Variants in PLCE1 observed in about 807,000 individuals in gnomAD.
The protein encoded by PLCE1 is phospholipase C epsilon 1, also known as 1-phosphatidylinositol 4,5-bisphosphate phosphodiesterase epsilon-1.
In PLCE1, 119 loss-of-function variants were observed where a neutral mutation model predicts 242.8. The observed-to-expected ratio is 0.49, with a 90% CI of 0.42 to 0.57. The LOEUF (loss-of-function observed/expected upper bound fraction) is 0.57, where lower values mean the gene tolerates loss of function less well. Ranked by LOEUF, PLCE1 falls within the 20% of genes least tolerant of loss-of-function variation. PLCE1 has a pLI of 0.00. For missense variants in PLCE1, 2,441 were observed against 2,788.8 expected (o/e 0.88, Z 2.81); for synonymous variants, 945 against 1,017.4 (o/e 0.93, Z 1.35).
intron 2 of PLCE1, chr10:94,082,343 A>C (rs995174774): frequency 9.9e-5 from 15 of 152,218 alleles, no homozygotes; most frequent in Non-Finnish European, 1.9e-4. Context: ...TAGCAACTGA[A>C]GCAAAGAAAA....
At chr10:94,021,993 C>A (rs1378793969) in intron 1 of PLCE1, among the ~76,000 whole-genome samples, 1 of 151,758 alleles carries the variant, frequency 6.6e-6, no homozygotes, top group East Asian at 1.9e-4. Flanking sequence ...TGAATGAGGA[C>A]AAAGTAAAGA....
chr10:94,076,780 G>C (rs2044515573), intron 2 of PLCE1, among the ~76,000 whole-genome samples: 1 of 149,488 alleles, frequency 6.7e-6, no homozygotes, highest in South Asian at 2.1e-4. Context: ...TGTCCCATGA[G>C]CTCTGCTGGA....
intron 1 of PLCE1, among the ~76,000 whole-genome samples, chr10:94,009,275 C>T (rs1168283243): frequency 6.6e-6 from 1 of 152,020 alleles, no homozygotes; most frequent in Non-Finnish European, 1.5e-5. Context: ...CTTAAACAAC[C>T]AGATCTCATG....
intron 3 of PLCE1, among the ~76,000 whole-genome samples, chr10:94,169,457 C>T (rs916368953): frequency 2.0e-4 from 31 of 152,170 alleles, no homozygotes; most frequent in Non-Finnish European, 2.4e-4. Flanking sequence ...GATTTAATCA[C>T]AAACCTGGGT....
chr10:94,065,273 A>C (rs1028770827), intron 2 of PLCE1, among the ~76,000 whole-genome samples: 1 of 152,150 alleles, frequency 6.6e-6, no homozygotes, highest in Non-Finnish European at 1.5e-5. Context: ...CTTGGATTGC[A>C]CTGGATTGGT....
rs117911832 is a variant in PLCE1 at position 94,289,548 on chromosome 10, T to C, written c.5036-3960T>C. Among the ~76,000 whole-genome samples the C allele has an allele frequency of 7.9e-3, 1,200 of 152,298 alleles. 56 individuals carry two copies. Among genetic ancestry groups the C allele is most frequent in the Admixed American group, 0.063 (959 of 15,292 alleles). On this transcript the variant is annotated intron_variant, in intron 22 of 32. Transcript: ENST00000371380. Reference sequence around the variant, plus strand: ...TAGCCTGCTACACACCTAGGCTAGATGGTGTAGCCTGTTGCTCCTAAGCTA... The same window carrying C: ...TAGCCTGCTACACACCTAGGCTAGACGGTGTAGCCTGTTGCTCCTAAGCTA...
At chr10:94,091,147 T>C (rs892076515) in intron 2 of PLCE1, among the ~76,000 whole-genome samples, 16 of 152,214 alleles carry the variant, frequency 1.1e-4, no homozygotes, top group African/African-American at 3.9e-4. Flanking sequence ...AGGTAAACAA[T>C]TGAGGAACAA....
intron 4 of PLCE1, among the ~76,000 whole-genome samples, chr10:94,203,681 A>G (rs2049051014): frequency 1.3e-5 from 2 of 152,236 alleles, no homozygotes; most frequent in Non-Finnish European, 2.9e-5. Context: ...CTACATAAGC[A>G]GAAATAAAAA....
chr10:94,081,165 T>C (rs1002448226), intron 2 of PLCE1, among the ~76,000 whole-genome samples: 3 of 152,232 alleles, frequency 2.0e-5, no homozygotes, highest in Non-Finnish European at 2.9e-5. Context: ...CATGTTTATA[T>C]CTTTTTCCAT....
At chr10:94,090,074 G>T (rs1207980803) in intron 2 of PLCE1, among the ~76,000 whole-genome samples, 3 of 151,982 alleles carry the variant, frequency 2.0e-5, no homozygotes, top group Non-Finnish European at 2.9e-5. Flanking sequence ...ACATTAAAAG[G>T]ATATTAGACC....
chr10:94,163,513 A>C lies in PLCE1; in HGVS notation c.1493-7667A>C, dbSNP rs562819010. On this transcript the variant is annotated intron_variant, in intron 3 of 32. Coordinates refer to ENST00000371380, the MANE Select transcript of PLCE1 (RefSeq NM_016341.4). ...TTTTTGTTTTCCATTTGCTTGGTAGATCTTCCTCCATCCCTTTATTTTGAG... is the reference window on the plus strand; with the variant it reads ...TTTTTGTTTTCCATTTGCTTGGTAGCTCTTCCTCCATCCCTTTATTTTGAG... Among the ~76,000 whole-genome samples the C allele has an allele frequency of 2.6e-5, 4 of 152,006 alleles. No individual in the cohort carries two copies. In the East Asian group the frequency reaches 7.7e-4, roughly 29 times the overall value.
At chr10:94,000,789 A>G (rs930460464) in intron 1 of PLCE1, among the ~76,000 whole-genome samples, 1 of 152,144 alleles carries the variant, frequency 6.6e-6, no homozygotes, top group Non-Finnish European at 1.5e-5. Context: ...GCTGCCTCTC[A>G]TGGGTGCAGC....
chr10:94,133,560 G>A (rs73314211), intron 3 of PLCE1, among the ~76,000 whole-genome samples: 4,447 of 152,234 alleles, frequency 0.029, 216 homozygotes, highest in African/African-American at 0.099. Context: ...AGGCCAGCAG[G>A]CCAATGACCT....
At chr10:94,136,701 T>C (rs972373070) in intron 3 of PLCE1, among the ~76,000 whole-genome samples, 1 of 152,210 alleles carries the variant, frequency 6.6e-6, no homozygotes, top group African/African-American at 2.4e-5. Flanking sequence ...AACACAAACA[T>C]GCCTGCTTTT....
chr10:94,087,365 A>G (rs964380844), intron 2 of PLCE1, among the ~76,000 whole-genome samples: 12 of 151,576 alleles, frequency 7.9e-5, no homozygotes, highest in Middle Eastern at 3.2e-3. Context: ...AAAAAAAAAA[A>G]AAAAAGAAAA....
chr10:94,059,701 A>G (rs1382304937), intron 2 of PLCE1, among the ~76,000 whole-genome samples: 1 of 152,218 alleles, frequency 6.6e-6, no homozygotes, highest in Non-Finnish European at 1.5e-5. Context: ...TTACTCATGC[A>G]CTATTGCACT....
chr10:94,207,041 A>G (rs2049177364), intron 4 of PLCE1, among the ~76,000 whole-genome samples: 1 of 152,250 alleles, frequency 6.6e-6, no homozygotes, highest in Non-Finnish European at 1.5e-5. Context: ...TGTATTAACC[A>G]TTGTATGTAG....
chr10:94,222,720 T>C (rs2049797420), intron 4 of PLCE1, among the ~76,000 whole-genome samples: 2 of 152,142 alleles, frequency 1.3e-5, no homozygotes, highest in South Asian at 4.1e-4. Flanking sequence ...TGCCAGAGTA[T>C]GTATACCTCA....
In PLCE1 at chr10:94,132,350, A is replaced by T; in HGVS notation, c.1383A>T (p.Ser461=). 6.2e-7 allele frequency: 1 copy of T among 1,614,104 alleles called. No individual in the cohort carries two copies. Among genetic ancestry groups the T allele is most frequent in the East Asian group, 2.2e-5 (1 of 44,854 alleles). The change falls in exon 3 of 33, where the codon TCA becomes TCT. Residue 461 remains serine, a synonymous_variant. Coordinates refer to ENST00000371380, the MANE Select transcript of PLCE1 (RefSeq NM_016341.4). ...CEYRATLQRT[S]ISQYITGSLL... is the part of the protein sequence containing the mutation. ...ATCGCGCCACCCTCCAAAGGACTTC[A>T]ATATCGCAGTACATCACCGGTTCTC...
Sources: gnomAD v4.1 joint callset for allele counts (sites outside exome capture counted in the v4.1 genomes callset) on GRCh38, gnomAD v4.1.1 for gene constraint, MANE v1.5 for transcripts, NCBI Gene and HGNC (gene_info 2026-07-23, HGNC 2026-07-21) for gene names.